The following CACNA1D variants were observed in gnomAD, a reference collection of about 807,000 sequenced individuals.
The protein encoded by CACNA1D is calcium voltage-gated channel subunit alpha1 D, also known as voltage-dependent L-type calcium channel subunit alpha-1D.
CACNA1D carries 55 observed loss-of-function variants against 257.1 expected under a neutral mutation model. The ratio of observed to expected loss-of-function variants is 0.21; its 90% CI spans 0.17 to 0.27. The LOEUF (loss-of-function observed/expected upper bound fraction) is 0.27. CACNA1D is among the 10% of genes least tolerant of loss of function. CACNA1D has a pLI of 1.00. For missense variants in CACNA1D, 1,876 were observed against 2,784.0 expected, an observed-to-expected ratio of 0.67 and a Z score of 7.34; for synonymous variants, 980 against 1,014.9, an observed-to-expected ratio of 0.97 and a Z score of 0.65.
In CACNA1D at chr3:53,735,621, T is replaced by C. The variant is rs1324112988; in HGVS notation, c.2751+118T>C. Reference sequence around the variant, plus strand: ...GTGACAGCTAGAGTAGGTCTTTCCTTCAGCTGGGGACGTTGGCTGTTTCCG... The same window carrying C: ...GTGACAGCTAGAGTAGGTCTTTCCTCCAGCTGGGGACGTTGGCTGTTTCCG... On this transcript the variant is annotated intron_variant, in intron 20 of 47. Transcript: ENST00000350061. The C allele has an allele frequency of 3.5e-6, 4 of 1,144,228 alleles. No homozygotes were observed. In the East Asian group the frequency reaches 1.0e-4, roughly 28 times the overall value. The allele number at this position is 1,144,228 out of a possible 1,614,324, so 70.9% of individuals were successfully genotyped here.
At chr3:53,770,086 C>T in intron 31 of CACNA1D, 69 bp downstream of exon 31, 1 of 1,284,536 alleles carries the variant, frequency 7.8e-7, no homozygotes, top group Non-Finnish European at 1.1e-6. Context: ...GTCGAGTTTT[C>T]CACTGGTTTT....
chr3:53,507,674 G>C (rs1158328916), intron 3 of CACNA1D, among the ~76,000 whole-genome samples: 1 of 152,100 alleles, frequency 6.6e-6, no homozygotes, highest in African/African-American at 2.4e-5. Context: ...TTCCATAAGA[G>C]GAATTCCAGT....
chr3:53,804,975 A>T lies in CACNA1D; in HGVS notation c.5586-8A>T, dbSNP rs2106827053. On this transcript the variant is annotated splice_region_variant and splice_polypyrimidine_tract_variant and intron_variant, in intron 44 of 47. Transcript: ENST00000350061. ...TAGAACCTTACTGCCCTCCTCTCTG[A>T]CCTCCAGGCAAAACTATGGCTACTA... 6.2e-7 allele frequency: 1 copy of T among 1,613,918 alleles called. No individual in the cohort carries two copies. The highest frequency in any genetic ancestry group is 2.2e-5 in the East Asian group (1 of 44,870).
chr3:53,588,731 C>T (rs1016356452), intron 3 of CACNA1D, among the ~76,000 whole-genome samples: 2 of 152,122 alleles, frequency 1.3e-5, no homozygotes, highest in African/African-American at 4.8e-5. Flanking sequence ...GAATTTTTAA[C>T]CAGATACTTT....
intron 3 of CACNA1D, among the ~76,000 whole-genome samples, chr3:53,524,032 A>G (rs779087872): frequency 6.6e-6 from 1 of 152,168 alleles, no homozygotes; most frequent in Non-Finnish European, 1.5e-5. Flanking sequence ...CTTCTCAGGT[A>G]TGAGGTCCCT....
At chr3:53,599,348 C>G (rs573139782) in intron 3 of CACNA1D, among the ~76,000 whole-genome samples, 1 of 152,208 alleles carries the variant, frequency 6.6e-6, no homozygotes, top group Non-Finnish European at 1.5e-5. Context: ...ATCACAGATT[C>G]CTGATTATTT....
intron 9 of CACNA1D, among the ~76,000 whole-genome samples, chr3:53,706,736 C>G (rs1463691308): frequency 1.3e-5 from 2 of 152,052 alleles, no homozygotes; most frequent in Non-Finnish European, 2.9e-5. Context: ...GTACATTATA[C>G]CCAGTAAGTA....
chr3:53,786,397 C>T (rs553264319), intron 39 of CACNA1D: 36 of 190,658 alleles, frequency 1.9e-4, no homozygotes, highest in Non-Finnish European at 2.6e-4. Flanking sequence ...GGGATTTGGA[C>T]GGTTAATTGC....
chr3:53,615,066 C>T (rs1193656283), intron 3 of CACNA1D, among the ~76,000 whole-genome samples: 1 of 152,170 alleles, frequency 6.6e-6, no homozygotes, highest in African/African-American at 2.4e-5. Context: ...AGAAAATATG[C>T]AAAGTTGCTG....
chr3:53,689,808 G>T (rs971112428), intron 8 of CACNA1D, among the ~76,000 whole-genome samples: 2 of 152,084 alleles, frequency 1.3e-5, no homozygotes, highest in African/African-American at 2.4e-5. Context: ...ACAGGCATAT[G>T]CCACCATGCC....
chr3:53,796,196 AG>A (rs1242825440), intron 40 of CACNA1D: 14 of 373,354 alleles, frequency 3.7e-5, no homozygotes, highest in African/African-American at 2.9e-4. Flanking sequence ...ATCCTGCTAA[AG>A]GGTTAACCAG....
chr3:53,627,734 C>T (rs1054395503), intron 3 of CACNA1D, among the ~76,000 whole-genome samples: 3 of 152,006 alleles, frequency 2.0e-5, no homozygotes, highest in Non-Finnish European at 4.4e-5. Flanking sequence ...GTATTCAGGC[C>T]GGGTGTGGTG....
chr3:53,748,426 AGGGATTTAATCCTG>A (rs2095192793), intron 26 of CACNA1D, among the ~76,000 whole-genome samples: 1 of 152,184 alleles, frequency 6.6e-6, no homozygotes, highest in Non-Finnish European at 1.5e-5. Flanking sequence ...CTTGTTCATT[AGGGATTTAATCCTG>A]GGAGAACAGA....
At chr3:53,782,290 A>ATATG (rs1225137966) in intron 39 of CACNA1D, 1 of 143,904 alleles carries the variant, frequency 6.9e-6, no homozygotes, top group Non-Finnish European at 1.5e-5. Flanking sequence ...ATATATATAT[A>ATATG]TATGCATACT....
rs1306061611 is a variant in CACNA1D at position 53,810,208 on chromosome 3, G to C, written c.6102G>C (p.Arg2034=). 1.9e-5 allele frequency: 30 copies of C among 1,613,984 alleles called. No homozygotes were observed. Among genetic ancestry groups the C allele is most frequent in the Non-Finnish European group, 2.5e-5 (29 of 1,180,034 alleles). The part of the protein sequence containing the change: ...WYTDEPDISY[R]TFTPASLTVP... The stretch of plus-strand genomic sequence containing the variant: ...CAGACGAGCCCGACATCTCCTACCG[G>C]ACTTTCACACCAGCCAGCCTGACTG... Residue 2034 remains arginine (R), a synonymous_variant, in exon 47 of 48, where the codon CGG becomes CGC. Transcript: ENST00000350061.
In CACNA1D at chr3:53,673,144, C is replaced by G; in HGVS notation, c.1220+18C>G. The G allele has an allele frequency of 6.7e-7, 1 of 1,502,612 alleles. No individual in the cohort carries two copies. The highest frequency in any genetic ancestry group is 9.1e-7 in the Non-Finnish European group (1 of 1,102,408). 93.1% of individuals were successfully genotyped at this position (1,502,612 alleles called of 1,614,324 possible). A position where few individuals can be genotyped will look rare whatever the true frequency, so the allele number is the denominator to read the frequency against. ...TTGAGCGGGTAAGCTACACCTCTTTCATCTTGAAAGCAGAGTCCTGAGGAC... is the reference window on the plus strand; with the variant it reads ...TTGAGCGGGTAAGCTACACCTCTTTGATCTTGAAAGCAGAGTCCTGAGGAC... On this transcript the variant is annotated intron_variant, in intron 8 of 47. Coordinates refer to ENST00000350061, the MANE Select transcript of CACNA1D (RefSeq NM_001128840.3). This position sits in a 1 kb window ranked among gnomAD's most constrained non-coding sequence, Gnocchi z 4.1.
At chr3:53,718,496 T>A (rs2094844426) in intron 10 of CACNA1D, 108 bp downstream of exon 10, 2 of 1,137,160 alleles carry the variant, frequency 1.8e-6, no homozygotes, top group East Asian at 2.5e-5. Context: ...TCGCCTTGGG[T>A]GTGGCGGGTG....
intron 3 of CACNA1D, among the ~76,000 whole-genome samples, chr3:53,646,220 G>A (rs960434304): frequency 2.0e-5 from 3 of 152,316 alleles, no homozygotes; most frequent in African/African-American, 2.4e-5. Context: ...ATCTAGGCAA[G>A]GATGAAAGGA....
rs1038276308 is a variant in CACNA1D at position 53,813,573 on chromosome 3, T to G, written c.*2167T>G. 6.6e-6 allele frequency: 1 copy of G among 152,242 alleles called. No homozygotes were observed. 9.4% of individuals were successfully genotyped at this position (152,242 alleles called of 1,614,324 possible). A position where few individuals can be genotyped will look rare whatever the true frequency, so the allele number is the denominator to read the frequency against. On this transcript the variant is annotated 3_prime_UTR_variant, in exon 48 of 48. Coordinates refer to ENST00000350061, the MANE Select transcript of CACNA1D (RefSeq NM_001128840.3). ...CTTGTGGCATCACATCAGGCCAAAA[T>G]TGCCAGACCAGGACCCTAAGTGTCT...
Sources: allele counts gnomAD v4.1 joint callset (sites outside exome capture counted in the v4.1 genomes callset), GRCh38; gene constraint gnomAD v4.1.1; non-coding constraint Gnocchi (gnomAD v3.1); transcripts MANE v1.5; gene names NCBI Gene and HGNC (gene_info 2026-07-23, HGNC 2026-07-21).